CDC37L1: variants seen among roughly 807,000 people sequenced by gnomAD.
CDC37L1 encodes the protein hsp90 co-chaperone Cdc37-like 1.
Under a neutral mutation model 45.9 loss-of-function variants are expected in CDC37L1, and 32 were observed. The observed-to-expected ratio is 0.70, with a 90% CI of 0.53 to 0.94. The LOEUF is 0.94. Ranked by LOEUF, CDC37L1 falls within the 40% of genes least tolerant of loss-of-function variation. The pLI is 0.00. For synonymous variants in CDC37L1, 150 were observed against 133.0 expected, an observed-to-expected ratio of 1.13 and a Z score of -0.88; for missense variants, 434 against 405.7, an observed-to-expected ratio of 1.07 and a Z score of -0.60.
rs370438121 is a variant in CDC37L1 at position 4,702,960 on chromosome 9, A to T, written c.912+932A>T. ...AAAAAATTTACATCAAAAAGGAGAC[A>T]TGATCAGACCACTGGTCTGCCTGAT... is the stretch of plus-strand genomic sequence containing the variant. On this transcript the variant is annotated intron_variant, in intron 6 of 6. Transcript: ENST00000381854. The T allele has an allele frequency of 1.5e-5, 12 of 780,472 alleles. No homozygotes were observed. In the African/African-American group the frequency reaches 1.8e-4, roughly 12 times the overall value. The allele number at this position is 780,472 out of a possible 1,614,324, so 48.3% of individuals were successfully genotyped here.
At chr9:4,694,769 C>G (rs927707149) in intron 3 of CDC37L1, among the ~76,000 whole-genome samples, 4 of 152,002 alleles carry the variant, frequency 2.6e-5, no homozygotes, top group African/African-American at 9.7e-5. Context: ...TTCCAGGAGG[C>G]TGAGGCAGGA....
chr9:4,700,919 A>G (rs1188386028), intron 5 of CDC37L1, among the ~76,000 whole-genome samples: 2 of 152,254 alleles, frequency 1.3e-5, no homozygotes, highest in Admixed American at 1.3e-4. Context: ...CTTAATTTTC[A>G]GAAAGAATCC....
chr9:4,708,125 G>C lies in CDC37L1; in HGVS notation c.*2013G>C, dbSNP rs186162549. The stretch of plus-strand genomic sequence containing the variant: ...CTGATGCCATAATTTGCACTTAAAG[G>C]CTATAAATTACATAGTTAGCCGTAC... On this transcript the variant is annotated 3_prime_UTR_variant, in exon 7 of 7. Transcript: ENST00000381854. The C allele has an allele frequency of 6.6e-6, 1 of 152,208 alleles. No homozygotes were observed. The highest frequency in any genetic ancestry group is 1.5e-5 in the Non-Finnish European group (1 of 68,034). The allele number at this position is 152,208 out of a possible 1,614,324, so 9.4% of individuals were successfully genotyped here.
intron 1 of CDC37L1, among the ~76,000 whole-genome samples, chr9:4,680,799 C>G (rs1841185318): frequency 1.3e-5 from 2 of 152,124 alleles, no homozygotes; most frequent in Non-Finnish European, 2.9e-5. Flanking sequence ...ATGGGGTTCC[C>G]AAGAGTGTAA....
intron 5 of CDC37L1, among the ~76,000 whole-genome samples, chr9:4,700,174 G>C (rs917305423): frequency 2.0e-5 from 3 of 152,140 alleles, no homozygotes; most frequent in East Asian, 1.9e-4. Flanking sequence ...TTTGTTTTTA[G>C]AGATAAGGTC....
chr9:4,684,164 G>C (rs1237298816), intron 1 of CDC37L1, among the ~76,000 whole-genome samples: 1 of 152,122 alleles, frequency 6.6e-6, no homozygotes. Flanking sequence ...CATGCCTGTA[G>C]TCCCAGGTAC....
chr9:4,680,628 G>C (rs1416790484), intron 1 of CDC37L1, among the ~76,000 whole-genome samples: 1 of 152,006 alleles, frequency 6.6e-6, no homozygotes, highest in Non-Finnish European at 1.5e-5. Flanking sequence ...ATACTATTAA[G>C]GATTTTTCAG....
intron 3 of CDC37L1, among the ~76,000 whole-genome samples, chr9:4,690,169 C>G (rs181316071): frequency 3.9e-4 from 60 of 152,296 alleles, no homozygotes; most frequent in Non-Finnish European, 5.9e-4. Context: ...ACCCTACAGT[C>G]TTCATTTCTT....
At chr9:4,694,079 T>C (rs62542908) in intron 3 of CDC37L1, among the ~76,000 whole-genome samples, 1 of 152,210 alleles carries the variant, frequency 6.6e-6, no homozygotes, top group African/African-American at 2.4e-5. Flanking sequence ...TTGTTGATTC[T>C]CCTTATGTGT....
chr9:4,681,090 A>G (rs1841188291), intron 1 of CDC37L1, among the ~76,000 whole-genome samples: 1 of 152,204 alleles, frequency 6.6e-6, no homozygotes, highest in Admixed American at 6.5e-5. Flanking sequence ...ATCTTTATAT[A>G]CAAAATGTAT....
Position 4,697,737 on chromosome 9 carries a change from A to G in CDC37L1, c.625-20A>G. 1 of 1,224,406 alleles carries G rather than the reference A, an allele frequency of 8.2e-7. No homozygotes were observed. Among genetic ancestry groups the G allele is most frequent in the Non-Finnish European group, 1.2e-6 (1 of 855,776 alleles). The allele number at this position is 1,224,406 out of a possible 1,614,324, so 75.8% of individuals were successfully genotyped here. ...ATATATTTATATATTTGTTTCTTAT[A>G]TCATTTAAATCTTTTTCAGAAAGGG... On this transcript the variant is annotated intron_variant, in intron 4 of 6. Transcript: ENST00000381854.
chr9:4,703,229 T>A, intron 6 of CDC37L1: 1 of 852,756 alleles, frequency 1.2e-6, no homozygotes, highest in East Asian at 3.2e-5. Context: ...GGATTTTCAG[T>A]GGCTTGACCT....
intron 3 of CDC37L1, 145 bp from the exon 4 acceptor site, chr9:4,696,950 GT>G (rs1841353417): frequency 1.8e-6 from 1 of 565,322 alleles, no homozygotes; most frequent in Non-Finnish European, 3.1e-6. Flanking sequence ...ACCATAATCT[GT>G]TGCTCTGGTA....
chr9:4,686,365 A>G (rs981190046), intron 2 of CDC37L1, among the ~76,000 whole-genome samples: 6 of 152,100 alleles, frequency 3.9e-5, no homozygotes, highest in African/African-American at 1.4e-4. Context: ...GTACTAATTT[A>G]TATATACTTT....
intron 2 of CDC37L1, among the ~76,000 whole-genome samples, chr9:4,687,365 C>T (rs1418107847): frequency 1.3e-5 from 2 of 152,054 alleles, no homozygotes; most frequent in African/African-American, 4.8e-5. Flanking sequence ...TGTTTGGTCT[C>T]TTCTAAGAAG....
Position 4,706,116 on chromosome 9 carries a change from G to A in CDC37L1, c.*4G>A. On this transcript the variant is annotated 3_prime_UTR_variant, in exon 7 of 7. Transcript: ENST00000381854. ...CAAAATGATGGACACTGTATAATTT[G>A]GTTAAGACTGCTGAGGCCAAGTGCT... is the stretch of plus-strand genomic sequence containing the variant. The A allele has an allele frequency of 1.4e-6, 2 of 1,462,606 alleles. No individual in the cohort carries two copies. The highest frequency in any genetic ancestry group is 1.9e-6 in the Non-Finnish European group (2 of 1,044,758). 90.6% of individuals were successfully genotyped at this position (1,462,606 alleles called of 1,614,324 possible).
At position 4,697,998 on chromosome 9, in the gene CDC37L1, T is replaced by A. The variant is rs945394123; in HGVS notation, c.747+119T>A. On this transcript the variant is annotated intron_variant, in intron 5 of 6. Transcript: ENST00000381854. Reference sequence around the variant, plus strand: ...ATGCCACAGGCTAAATTCTGTAGATTTTCTTGTGAAAAGAAAATTTATATT... The same window carrying A: ...ATGCCACAGGCTAAATTCTGTAGATATTCTTGTGAAAAGAAAATTTATATT... 1.5e-5 allele frequency: 14 copies of A among 938,268 alleles called. No homozygotes were observed. In the Admixed American group the frequency reaches 2.3e-4, roughly 15 times the overall value. 58.1% of individuals were successfully genotyped at this position (938,268 alleles called of 1,614,324 possible). A position where few individuals can be genotyped will look rare whatever the true frequency, so the allele number is the denominator to read the frequency against.
At chr9:4,687,645 C>G (rs1471431869) in intron 2 of CDC37L1, among the ~76,000 whole-genome samples, 1 of 141,184 alleles carries the variant, frequency 7.1e-6, no homozygotes, top group Non-Finnish European at 1.5e-5. Flanking sequence ...TGCCACTGTA[C>G]TCCAGCCTGG....
At chr9:4,682,541 A>T (rs1338908469) in intron 1 of CDC37L1, among the ~76,000 whole-genome samples, 2 of 151,406 alleles carry the variant, frequency 1.3e-5, no homozygotes, top group African/African-American at 4.9e-5. Context: ...GTTAGCCAGG[A>T]TGGTCTCGAG....
Sources: gnomAD v4.1 joint callset for allele counts (sites outside exome capture counted in the v4.1 genomes callset) on GRCh38, gnomAD v4.1.1 for gene constraint, MANE v1.5 for transcripts, NCBI Gene and HGNC (gene_info 2026-07-23, HGNC 2026-07-21) for gene names.